SLC4A5: variants seen among roughly 807,000 people sequenced by gnomAD.
The protein encoded by SLC4A5 is electrogenic sodium bicarbonate cotransporter 4.
A neutral mutation model predicts 120.4 loss-of-function variants in SLC4A5; 96 were observed. The observed-to-expected ratio is 0.80, with a 90% CI of 0.68 to 0.94. The LOEUF (loss-of-function observed/expected upper bound fraction) is 0.94. Ranked by LOEUF, SLC4A5 falls within the 40% of genes least tolerant of loss-of-function variation. The pLI is 0.00. For synonymous variants in SLC4A5, 550 were observed against 571.1 expected, an observed-to-expected ratio of 0.96 and a Z score of 0.53; for missense variants, 1,259 against 1,459.5, an observed-to-expected ratio of 0.86 and a Z score of 2.24.
intron 26 of SLC4A5, 42 bp downstream of exon 26, chr2:74,227,768 G>A: frequency 6.5e-7 from 1 of 1,529,908 alleles, no homozygotes; most frequent in Non-Finnish European, 8.9e-7. Context: ...GACATGGAAT[G>A]TTGACTCCAG....
chr2:74,231,138 C>T lies in SLC4A5; in HGVS notation c.2847+98G>A. On this transcript the variant is annotated intron_variant, in intron 25 of 30. Coordinates refer to ENST00000394019, the Ensembl canonical transcript of SLC4A5. ...GTGCCTTTCTTAGGGGGCTGATAGG[C>T]CAGTGATCCCTAGCCATGTGGGGAC... The T allele has an allele frequency of 2.7e-6, 3 of 1,101,338 alleles. No individual in the cohort carries two copies. In the South Asian group the frequency reaches 4.8e-5, roughly 18 times the overall value. 68.2% of individuals were successfully genotyped at this position (1,101,338 alleles called of 1,614,324 possible).
intron 8 of SLC4A5, among the ~76,000 whole-genome samples, chr2:74,277,496 C>G (rs2104120366): frequency 6.6e-6 from 1 of 152,234 alleles, no homozygotes; most frequent in African/African-American, 2.4e-5. Flanking sequence ...TTGCAGTGAG[C>G]TGATATTGTG....
At chr2:74,322,776 G>A (rs1247158879) in intron 5 of SLC4A5, among the ~76,000 whole-genome samples, 3 of 151,966 alleles carry the variant, frequency 2.0e-5, no homozygotes, top group Non-Finnish European at 4.4e-5. Context: ...GAAAATATCT[G>A]GGAAAAAAAC....
Position 74,220,758 on chromosome 2 carries a change from T to C in SLC4A5, c.*33+676A>G, listed in dbSNP as rs556438499. Among the ~76,000 whole-genome samples the C allele has an allele frequency of 3.0e-3, 442 of 149,526 alleles. 12 individuals are homozygous for C. The highest frequency in any genetic ancestry group is 0.01 in the African/African-American group (420 of 40,346). ...GTCTCCATCTCCTGACCTTGTGATCTGCCCGCCTCAGCCTCCCAAAGTGCT... is the reference window on the plus strand; with the variant it reads ...GTCTCCATCTCCTGACCTTGTGATCCGCCCGCCTCAGCCTCCCAAAGTGCT... On this transcript the variant is annotated intron_variant, in intron 30 of 30. Transcript: ENST00000394019.
exon 6 of SLC4A5, chr2:74,314,996 C>A: frequency 6.2e-7 from 1 of 1,613,916 alleles, no homozygotes; most frequent in South Asian, 1.1e-5. Flanking sequence ...AGCTTTCCTA[C>A]CCCAGCCTTC....
At chr2:74,247,061 C>G (rs1352074651) in exon 19 of SLC4A5, 1 of 1,614,100 alleles carries the variant, frequency 6.2e-7, no homozygotes, top group Admixed American at 1.7e-5. Flanking sequence ...CACACTCGCA[C>G]TTGTAGGTAG....
intron 6 of SLC4A5, chr2:74,306,846 T>C (rs746434597): frequency 2.5e-5 from 16 of 642,942 alleles, no homozygotes; most frequent in South Asian, 2.2e-4. Flanking sequence ...ATCACCAAGA[T>C]TGAAGTCCTT....
chr2:74,328,029 TTAAA>T (rs1673259761), intron 5 of SLC4A5, 87 bp downstream of exon 5: 7 of 668,100 alleles, frequency 1.0e-5, no homozygotes, highest in Admixed American at 6.3e-5. Flanking sequence ...AAGCTTACTC[TTAAA>T]TACTCTGTGT....
intron 6 of SLC4A5, among the ~76,000 whole-genome samples, chr2:74,309,166 G>A (rs981572998): frequency 2.0e-5 from 3 of 151,352 alleles, no homozygotes; most frequent in Non-Finnish European, 2.9e-5. Context: ...CAATCCTCCC[G>A]CCTTGGCCTC....
intron 8 of SLC4A5, among the ~76,000 whole-genome samples, chr2:74,279,312 T>G (rs182612331): frequency 6.6e-6 from 1 of 152,188 alleles, no homozygotes; most frequent in South Asian, 2.1e-4. Context: ...CGGGAGTAGG[T>G]CCATCCTGCG....
intron 19 of SLC4A5, among the ~76,000 whole-genome samples, chr2:74,244,351 A>G (rs1298091043): frequency 6.6e-6 from 1 of 151,956 alleles, no homozygotes; most frequent in Non-Finnish European, 1.5e-5. Context: ...ACCCTACTCC[A>G]GAGTTCTTTC....
At chr2:74,252,668 C>T (rs1178223567) in intron 15 of SLC4A5, among the ~76,000 whole-genome samples, 1 of 152,114 alleles carries the variant, frequency 6.6e-6, no homozygotes, top group Admixed American at 6.6e-5. Context: ...CTCACTGCAG[C>T]CTTGACCTCC....
intron 22 of SLC4A5, among the ~76,000 whole-genome samples, chr2:74,234,135 T>C (rs1670189808): frequency 6.6e-6 from 1 of 151,762 alleles, no homozygotes. Context: ...GACTCCCTAC[T>C]CTGGTGAGAT....
chr2:74,232,283 T>A (rs1432987984), intron 24 of SLC4A5, among the ~76,000 whole-genome samples, 186 bp downstream of exon 24: 1 of 152,128 alleles, frequency 6.6e-6, no homozygotes, highest in Non-Finnish European at 1.5e-5. Flanking sequence ...AAAGCCCCAC[T>A]TAGAGCTGGA....
rs559599242 is a variant in SLC4A5, at chr2:74,330,198, T to C, written c.-69-2012A>G. Among the ~76,000 whole-genome samples, 15 of 148,852 alleles carry C rather than the reference T, an allele frequency of 1.0e-4. No homozygotes were observed. The South Asian group carries it at 3.2e-3, about 32-fold the overall frequency. ...TCTAGATGGAGGTGTGTGATATAGG[T>C]GTAGGTGATGAGGTATAGGTGAGGG... On this transcript the variant is annotated intron_variant, in intron 4 of 30. Coordinates refer to ENST00000394019, the Ensembl canonical transcript of SLC4A5.
rs111471281 is a variant in SLC4A5 at position 74,231,103 on chromosome 2, G to A, written c.2847+133C>T. On this transcript the variant is annotated intron_variant, in intron 25 of 30. Coordinates refer to ENST00000394019, the Ensembl canonical transcript of SLC4A5. Reference sequence around the variant, plus strand: ...ATTATAGGTGTGAGCCACCATGCCCGGCCAAGACTGTGCCTTTCTTAGGGG... The same window carrying A: ...ATTATAGGTGTGAGCCACCATGCCCAGCCAAGACTGTGCCTTTCTTAGGGG... 6.4e-4 allele frequency: 491 copies of A among 769,962 alleles called. 4 individuals are homozygous for A. The East Asian group carries it at 9.1e-3, about 14-fold the overall frequency. The allele number at this position is 769,962 out of a possible 1,614,324, so 47.7% of individuals were successfully genotyped here. A position where few individuals can be genotyped will look rare whatever the true frequency, so the allele number is the denominator to read the frequency against.
chr2:74,233,384 T>G lies in SLC4A5; in HGVS notation c.2595+18A>C, dbSNP rs1295441575. On this transcript the variant is annotated intron_variant, in intron 23 of 30. Coordinates refer to ENST00000394019, the Ensembl canonical transcript of SLC4A5. ...GGGAAGAAAGAGGTTATGCCTCTGCTCCTAGTACCGGCCTTACCTTCAGTT... is the reference window on the plus strand; with the variant it reads ...GGGAAGAAAGAGGTTATGCCTCTGCGCCTAGTACCGGCCTTACCTTCAGTT... 1 of 1,614,016 alleles carries G rather than the reference T, an allele frequency of 6.2e-7. No individual in the cohort carries two copies. Among genetic ancestry groups the G allele is most frequent in the East Asian group, 2.2e-5 (1 of 44,878 alleles).
intron 4 of SLC4A5, among the ~76,000 whole-genome samples, chr2:74,331,407 G>A (rs1381168376): frequency 1.3e-5 from 2 of 151,804 alleles, no homozygotes; most frequent in Non-Finnish European, 2.9e-5. Context: ...TGTAGATAGA[G>A]GTGGCAAGGT....
chr2:74,226,857 A>C, intron 27 of SLC4A5, 100 bp downstream of exon 27: 2 of 1,392,648 alleles, frequency 1.4e-6, no homozygotes, highest in Non-Finnish European at 2.0e-6. Flanking sequence ...GCCACAGCTG[A>C]CAGGAAGGCA....
Sources: gnomAD v4.1 joint callset for allele counts (sites outside exome capture counted in the v4.1 genomes callset) on GRCh38, gnomAD v4.1.1 for gene constraint, MANE v1.5 for transcripts, NCBI Gene and HGNC (gene_info 2026-07-23, HGNC 2026-07-21) for gene names.